MGAT4C: variants seen among roughly 807,000 people sequenced by gnomAD.
MGAT4C encodes alpha-1,3-mannosyl-glycoprotein 4-beta-N-acetylglucosaminyltransferase C.
A neutral mutation model predicts 40.1 loss-of-function variants in MGAT4C; 19 were observed. The observed-to-expected ratio is 0.47, with a 90% CI of 0.33 to 0.70. MGAT4C has a LOEUF of 0.70. MGAT4C is among the 30% of genes least tolerant of loss of function. MGAT4C has a pLI of 0.02. For missense variants in MGAT4C, 491 were observed against 563.2 expected (o/e 0.87, Z 1.30); for synonymous variants, 181 against 187.1 (o/e 0.97, Z 0.27).
chr12:86,141,030 A>C (rs1310677060), intron 1 of MGAT4C, among the ~76,000 whole-genome samples: 1 of 152,156 alleles, frequency 6.6e-6, no homozygotes, highest in Non-Finnish European at 1.5e-5. Flanking sequence ...AAATGTGCTC[A>C]TTCTTTTAGG....
intron 1 of MGAT4C, among the ~76,000 whole-genome samples, chr12:86,791,397 A>T (rs554585514): frequency 6.6e-6 from 1 of 151,740 alleles, no homozygotes; most frequent in Non-Finnish European, 1.5e-5. Context: ...AAGAAAAAAA[A>T]TTTTTAATGC....
intron 1 of MGAT4C, among the ~76,000 whole-genome samples, chr12:86,728,715 T>G (rs1950862598): frequency 6.6e-6 from 1 of 152,074 alleles, no homozygotes; most frequent in African/African-American, 2.4e-5. Flanking sequence ...TTTATTATAC[T>G]CCCGCTCACT....
intron 2 of MGAT4C, among the ~76,000 whole-genome samples, chr12:86,636,657 C>A (rs1250419401): frequency 1.3e-5 from 2 of 151,958 alleles, no homozygotes; most frequent in African/African-American, 2.4e-5. Context: ...GTAAATGACA[C>A]TTTTTCACAG....
intron 2 of MGAT4C, among the ~76,000 whole-genome samples, chr12:86,658,595 A>G (rs2136544625): frequency 6.6e-6 from 1 of 152,242 alleles, no homozygotes; most frequent in East Asian, 1.9e-4. Context: ...AAAGAATAAA[A>G]GTAGTCATTA....
rs575000691 is a variant in MGAT4C at position 86,182,010 on chromosome 12, C to T, written c.-57+74229G>A. 2.8e-4 allele frequency among the ~76,000 whole-genome samples: 43 copies of T among 151,878 alleles called. No individual in the cohort carries two copies. The South Asian group carries it at 8.7e-3, about 31-fold the overall frequency. On this transcript the variant is annotated intron_variant, in intron 1 of 4. Coordinates refer to ENST00000611864, the MANE Select transcript of MGAT4C (RefSeq NM_001351288.2). ...TTAAATGCTAATAACACTCTATCTA[C>T]TGCATTGTACTACATTTTGCATAAC...
At chr12:86,798,132 T>A (rs1331957469) in intron 1 of MGAT4C, among the ~76,000 whole-genome samples, 1 of 151,970 alleles carries the variant, frequency 6.6e-6, no homozygotes, top group Non-Finnish European at 1.5e-5. Flanking sequence ...TGAGATTAAC[T>A]GACCAGATCC....
At chr12:85,997,093 G>A (rs1002599089) in intron 2 of MGAT4C, among the ~76,000 whole-genome samples, 2 of 152,208 alleles carry the variant, frequency 1.3e-5, no homozygotes, top group Admixed American at 6.5e-5. Context: ...CATGGCTGAG[G>A]AGGCCTCACA....
chr12:86,221,131 G>C (rs1299205399), intron 1 of MGAT4C, among the ~76,000 whole-genome samples: 1 of 152,108 alleles, frequency 6.6e-6, no homozygotes, highest in African/African-American at 2.4e-5. Flanking sequence ...AATCAACAGA[G>C]AAGCTACTTG....
chr12:85,980,390 T>A lies in MGAT4C; in HGVS notation c.336A>T (p.Lys112Asn). Residue 112 changes from lysine to asparagine, a missense_variant, in exon 5 of 5, where the codon AAA becomes AAT. Lys to Asn is a moderately conservative substitution (Grantham distance 94). Transcript: ENST00000611864. ...TIGLSSVKRK[K>N]GNYLLETIKS... ...TAATTGTCTCAAGTAAATAGTTTCC[T>A]TTTTTTCGCTTTACTGAAGAAAGTC... 6.2e-7 allele frequency: 1 copy of A among 1,605,718 alleles called. No homozygotes were observed. Among genetic ancestry groups the A allele is most frequent in the Non-Finnish European group, 8.5e-7 (1 of 1,176,304 alleles).
intron 2 of MGAT4C, among the ~76,000 whole-genome samples, chr12:86,472,944 T>C (rs1369355168): frequency 3.9e-5 from 6 of 152,028 alleles, no homozygotes. Context: ...AGAAGCTAGA[T>C]ATTTATTTAT....
rs547686208 is a variant in MGAT4C at position 86,163,773 on chromosome 12, C to T, written c.-57+92466G>A. 3.9e-5 allele frequency among the ~76,000 whole-genome samples: 6 copies of T among 152,254 alleles called. No individual in the cohort carries two copies. The East Asian group carries it at 5.8e-4, about 15-fold the overall frequency. On this transcript the variant is annotated intron_variant, in intron 1 of 4. Coordinates refer to ENST00000611864, the MANE Select transcript of MGAT4C (RefSeq NM_001351288.2). ...ATAAGACATCACATGAACCACTGAA[C>T]CCTTATTTGTACCAAGGTTGTGTTT...
intron 2 of MGAT4C, among the ~76,000 whole-genome samples, chr12:86,559,101 T>C (rs1439320155): frequency 6.6e-6 from 1 of 151,674 alleles, no homozygotes; most frequent in Non-Finnish European, 1.5e-5. Context: ...AAGAAAAAGA[T>C]TATCATATAA....
At chr12:86,041,339 T>A (rs1891820254) in intron 2 of MGAT4C, among the ~76,000 whole-genome samples, 1 of 152,166 alleles carries the variant, frequency 6.6e-6, no homozygotes, top group Admixed American at 6.5e-5. Flanking sequence ...ATTTTGGTTA[T>A]TTTTTGTCTT....
At chr12:86,766,072 C>A (rs1254391494) in intron 1 of MGAT4C, among the ~76,000 whole-genome samples, 1 of 152,156 alleles carries the variant, frequency 6.6e-6, no homozygotes, top group Non-Finnish European at 1.5e-5. Context: ...CACAGACTGG[C>A]AAATTGGATA....
intron 2 of MGAT4C, among the ~76,000 whole-genome samples, chr12:86,685,243 T>C (rs1024213840): frequency 2.6e-5 from 4 of 152,190 alleles, no homozygotes; most frequent in African/African-American, 9.7e-5. Flanking sequence ...CAGGTTCAGA[T>C]TTCTGCATAT....
intron 4 of MGAT4C, among the ~76,000 whole-genome samples, chr12:86,283,854 T>C (rs1953281199): frequency 6.6e-6 from 1 of 152,130 alleles, no homozygotes; most frequent in Non-Finnish European, 1.5e-5. Context: ...TCTGTAGAGA[T>C]ACAGTATATC....
chr12:86,037,512 A>G (rs1401705257), intron 2 of MGAT4C, among the ~76,000 whole-genome samples: 2 of 150,236 alleles, frequency 1.3e-5, no homozygotes, highest in Non-Finnish European at 3.0e-5. Context: ...CTGATTTCAA[A>G]GAACATCTTT....
At chr12:86,815,839 A>T (rs1228407853) in intron 1 of MGAT4C, among the ~76,000 whole-genome samples, 1 of 136,058 alleles carries the variant, frequency 7.3e-6, no homozygotes, top group East Asian at 2.6e-4. Flanking sequence ...GATACAATGG[A>T]CTTGGGGGGA....
chr12:86,290,811 T>C (rs55956857), intron 4 of MGAT4C, among the ~76,000 whole-genome samples: 12,097 of 152,112 alleles, frequency 0.08, 680 homozygotes, highest in Middle Eastern at 0.21. Flanking sequence ...ACTCAGTTTA[T>C]AGGTCTAAAA....
Sources: gnomAD v4.1 joint callset for allele counts (sites outside exome capture counted in the v4.1 genomes callset) on GRCh38, gnomAD v4.1.1 for gene constraint, MANE v1.5 for transcripts, NCBI Gene and HGNC (gene_info 2026-07-23, HGNC 2026-07-21) for gene names.